The following SHQ1 variants were observed in gnomAD, a reference collection of about 807,000 sequenced individuals.
The protein encoded by SHQ1 is SHQ1, H/ACA ribonucleoprotein assembly factor.
SHQ1 carries 49 observed loss-of-function variants against 53.8 expected under a neutral mutation model. The ratio of observed to expected loss-of-function variants is 0.91; its 90% CI spans 0.72 to 1.16. The LOEUF (loss-of-function observed/expected upper bound fraction) is 1.16. SHQ1 is among the 50% of genes most tolerant of loss of function. The probability of loss-of-function intolerance (pLI) is 0.00; values close to 1 mark genes in which losing one functional copy is unlikely to be tolerated. For synonymous variants in SHQ1, 243 were observed against 251.0 expected (o/e 0.97, Z 0.30); for missense variants, 738 against 683.1 (o/e 1.08, Z -0.90).
At chr3:72,727,270 A>G in the SHQ1 span, among the ~76,000 whole-genome samples, 2 of 152,028 alleles carry the variant, frequency 1.3e-5, no homozygotes, top group Non-Finnish European at 2.9e-5. Flanking sequence ...CAATCAGTAA[A>G]CCATACACAA....
chr3:72,829,966 G>C (rs1177559312), intron 5 of SHQ1, among the ~76,000 whole-genome samples: 1 of 152,096 alleles, frequency 6.6e-6, no homozygotes, highest in Non-Finnish European at 1.5e-5. Flanking sequence ...TGACTATTAA[G>C]AAATGCTTCA....
In SHQ1 at chr3:72,817,360, T is replaced by TA. The variant is rs777260227; in HGVS notation, c.751dup (p.Tyr251LeufsTer9). ...TTTATTGACAAATTTTCGTAGCTGA[T>TA]ACTTCTCTTCTTCAGAAAAAGACAC... On this transcript the variant is annotated frameshift_variant, in exon 7 of 11. Transcript: ENST00000325599. LOFTEE classifies it high-confidence loss of function. 1 of 1,611,802 alleles carries TA rather than the reference T, an allele frequency of 6.2e-7. No individual in the cohort carries two copies. The highest frequency in any genetic ancestry group is 1.3e-5 in the African/African-American group (1 of 74,964).
chr3:72,775,891 T>C (rs1705949783), intron 10 of SHQ1, among the ~76,000 whole-genome samples: 1 of 152,228 alleles, frequency 6.6e-6, no homozygotes, highest in African/African-American at 2.4e-5. Context: ...GAATCTTTCT[T>C]GATAAAGCCT....
chr3:72,841,056 G>A lies in SHQ1; in HGVS notation c.475C>T (p.Gln159Ter). 7 of 1,611,628 alleles carry A rather than the reference G, an allele frequency of 4.3e-6. No homozygotes were observed. The highest frequency in any genetic ancestry group is 5.9e-6 in the Non-Finnish European group (7 of 1,179,342). The change falls in exon 4 of 11, where the codon CAA becomes TAA. Residue 159 changes from glutamine (Q) to a stop codon, truncating the protein, a stop_gained. Coordinates refer to ENST00000325599, the MANE Select transcript of SHQ1 (RefSeq NM_018130.3). LOFTEE classifies it high-confidence loss of function. ...GFGNLRSGVL[Q>*]RLQDELSDVI... Reference sequence around the variant, plus strand: ...GAAAGACAACATACCTGTAACCGTTGCAACACTCCTGATCGTAAGTTTCCA... The same window carrying A: ...GAAAGACAACATACCTGTAACCGTTACAACACTCCTGATCGTAAGTTTCCA...
intron 10 of SHQ1, among the ~76,000 whole-genome samples, chr3:72,761,519 A>G (rs2106718926): frequency 6.6e-6 from 1 of 152,338 alleles, no homozygotes; most frequent in South Asian, 2.1e-4. Context: ...TCAAATCACT[A>G]TGGCAAACAG....
intron 4 of SHQ1, among the ~76,000 whole-genome samples, chr3:72,833,940 A>G (rs953049311): frequency 6.6e-6 from 1 of 152,384 alleles, no homozygotes; most frequent in East Asian, 1.9e-4. Context: ...ATCAAGGGAA[A>G]TAACTTAGAG....
At chr3:72,812,282 CA>C in intron 9 of SHQ1, among the ~76,000 whole-genome samples, 1 of 152,188 alleles carries the variant, frequency 6.6e-6, no homozygotes, top group Non-Finnish European at 1.5e-5. Flanking sequence ...ATCTGTCTGA[CA>C]AAACTGTAAA....
chr3:72,806,754 C>CA (rs1350829202), intron 9 of SHQ1, among the ~76,000 whole-genome samples: 4 of 152,182 alleles, frequency 2.6e-5, no homozygotes, highest in African/African-American at 9.7e-5. Context: ...ACATTCCCTC[C>CA]ATCCTTCAAG....
chr3:72,770,007 G>C (rs941316846), intron 10 of SHQ1, among the ~76,000 whole-genome samples: 1 of 152,208 alleles, frequency 6.6e-6, no homozygotes, highest in East Asian at 1.9e-4. Context: ...ATCATCAAGA[G>C]AGATAATCTC....
At chr3:72,777,952 C>T (rs1250531201) in intron 10 of SHQ1, among the ~76,000 whole-genome samples, 1 of 152,092 alleles carries the variant, frequency 6.6e-6, no homozygotes, top group South Asian at 2.1e-4. Context: ...AATAGAAGAA[C>T]CATACATATA....
At chr3:72,795,845 CT>C (rs967820205) in intron 9 of SHQ1, among the ~76,000 whole-genome samples, 1 of 152,146 alleles carries the variant, frequency 6.6e-6, no homozygotes, top group Non-Finnish European at 1.5e-5. Flanking sequence ...TGGCTCACGC[CT>C]GTAATCCCAG....
At chr3:72,752,059 A>C (rs892894806) in intron 10 of SHQ1, among the ~76,000 whole-genome samples, 12 of 152,186 alleles carry the variant, frequency 7.9e-5, no homozygotes, top group African/African-American at 2.7e-4. Flanking sequence ...AAAAATGGGA[A>C]ACAGCCAAAT....
chr3:72,795,761 AC>A (rs571690575), intron 9 of SHQ1, among the ~76,000 whole-genome samples: 3 of 152,146 alleles, frequency 2.0e-5, no homozygotes, highest in Non-Finnish European at 4.4e-5. Flanking sequence ...CCTCCAGAAT[AC>A]TCTCTCTCAA....
chr3:72,840,242 T>TAAAAAAAAAAA (rs71623990), intron 4 of SHQ1, among the ~76,000 whole-genome samples: 1 of 93,590 alleles, frequency 1.1e-5, no homozygotes, highest in Non-Finnish European at 2.0e-5. Flanking sequence ...GACTCTGTCT[T>TAAAAAAAAAAA]AAAAAAAAAA....
intron 10 of SHQ1, among the ~76,000 whole-genome samples, chr3:72,789,673 C>G (rs1706376609): frequency 2.6e-5 from 4 of 152,314 alleles, no homozygotes; most frequent in Non-Finnish European, 4.4e-5. Flanking sequence ...ACTGATTGTG[C>G]TCACAAACTG....
intron 10 of SHQ1, among the ~76,000 whole-genome samples, chr3:72,787,625 T>TA (rs1706275420): frequency 6.6e-6 from 1 of 152,206 alleles, no homozygotes; most frequent in Non-Finnish European, 1.5e-5. Context: ...GTTTATAAGG[T>TA]ATTATCATGA....
At chr3:72,825,845 C>T (rs1358229625) in intron 5 of SHQ1, among the ~76,000 whole-genome samples, 1 of 152,170 alleles carries the variant, frequency 6.6e-6, no homozygotes, top group Non-Finnish European at 1.5e-5. Context: ...TCCCTTTCAA[C>T]TGAGATACTG....
intron 9 of SHQ1, among the ~76,000 whole-genome samples, chr3:72,805,572 T>C (rs1285917834): frequency 6.6e-6 from 1 of 152,164 alleles, no homozygotes; most frequent in Non-Finnish European, 1.5e-5. Flanking sequence ...ATTCAAACCA[T>C]GTAACTAAGT....
In SHQ1 at chr3:72,778,274, A is replaced by C. The variant is rs182246112; in HGVS notation, c.1181+14642T>G. 1.9e-3 allele frequency among the ~76,000 whole-genome samples: 293 copies of C among 152,152 alleles called. 2 individuals carry two copies. The highest frequency in any genetic ancestry group is 6.6e-3 in the African/African-American group (276 of 41,514). ...CCAGTTGTTCAACCAGCCTGGGGTA[A>C]CAAAGCAAGACTCTATCTCTACAAA... On this transcript the variant is annotated intron_variant, in intron 10 of 10. Transcript: ENST00000325599.
Sources: allele counts gnomAD v4.1 joint callset (sites outside exome capture counted in the v4.1 genomes callset), GRCh38; gene constraint gnomAD v4.1.1; transcripts MANE v1.5; gene names NCBI Gene and HGNC (gene_info 2026-07-23, HGNC 2026-07-21).